LRP1B: variants seen among roughly 807,000 people sequenced by gnomAD.
LRP1B encodes the protein LDL receptor related protein 1B, also known as low-density lipoprotein receptor-related protein 1B.
LRP1B carries 217 observed loss-of-function variants against 556.6 expected under a neutral mutation model. The observed-to-expected ratio is 0.39, with a 90% CI of 0.35 to 0.44. The LOEUF (loss-of-function observed/expected upper bound fraction) is 0.44. Among genes scored for constraint, LRP1B ranks in the 20% least tolerant of loss-of-function variants. The pLI is 1.00. For missense variants in LRP1B, 5,053 were observed against 5,620.8 expected (o/e 0.90, Z 3.23); for synonymous variants, 2,047 against 1,865.8 (o/e 1.10, Z -2.50).
At chr2:141,865,591 CAAAAAAAAAAAAAAAAGAAA>C (rs1301473464) in intron 1 of LRP1B, among the ~76,000 whole-genome samples, 10 of 43,338 alleles carry the variant, frequency 2.3e-4, no homozygotes, top group African/African-American at 6.1e-4. Flanking sequence ...GACTCCGTCT[CAAAAAAAAAAAAAAAAGAAA>C]AAAAAAAAGA....
At chr2:142,044,163 G>C (rs1406113275) in intron 1 of LRP1B, among the ~76,000 whole-genome samples, 1 of 151,656 alleles carries the variant, frequency 6.6e-6, no homozygotes, top group Admixed American at 6.6e-5. Context: ...TGACAAATGA[G>C]TAATCCTTTT....
rs1344159583 is a variant in LRP1B at position 141,280,680 on chromosome 2, G to A, written c.344-26039C>T. On this transcript the variant is annotated intron_variant, in intron 3 of 90. Transcript: ENST00000389484. The stretch of plus-strand genomic sequence containing the variant: ...TTACTCTGAAAATAACTGCTACCTA[G>A]CAAATTTTATTTTTGTACATTCCTA... Among the ~76,000 whole-genome samples the A allele has an allele frequency of 2.6e-5, 4 of 151,948 alleles. No individual in the cohort carries two copies. In the East Asian group the frequency reaches 7.7e-4, roughly 29 times the overall value.
At chr2:140,270,729 G>A (rs76924193) in intron 85 of LRP1B, among the ~76,000 whole-genome samples, 1,611 of 152,008 alleles carry the variant, frequency 0.011, 28 homozygotes, top group African/African-American at 0.036. Flanking sequence ...TAAACCACAT[G>A]ATCAAGTACT....
At chr2:140,414,119 T>C (rs1019053197) in intron 66 of LRP1B, among the ~76,000 whole-genome samples, 20 of 152,066 alleles carry the variant, frequency 1.3e-4, no homozygotes, top group Non-Finnish European at 2.9e-4. Context: ...TCTCACTATG[T>C]TGCCCAGACT....
At chr2:140,259,925 CCA>C (rs1190707611) in intron 86 of LRP1B, among the ~76,000 whole-genome samples, 2 of 151,706 alleles carry the variant, frequency 1.3e-5, no homozygotes, top group Non-Finnish European at 2.9e-5. Flanking sequence ...TGCCCTGCCC[CCA>C]CACACACAGA....
intron 2 of LRP1B, among the ~76,000 whole-genome samples, chr2:141,576,562 C>CT (rs542323947): frequency 0.013 from 1,984 of 151,016 alleles, 47 homozygotes; most frequent in African/African-American, 0.045. Context: ...ATGTATCCCT[C>CT]TTTTTTTTTA....
At chr2:141,942,621 T>C (rs1700845291) in intron 1 of LRP1B, among the ~76,000 whole-genome samples, 1 of 152,222 alleles carries the variant, frequency 6.6e-6, no homozygotes. Flanking sequence ...TCAATTCCAA[T>C]TCATTTAACA....
At chr2:141,834,610 C>G (rs1697209448) in intron 1 of LRP1B, among the ~76,000 whole-genome samples, 1 of 151,828 alleles carries the variant, frequency 6.6e-6, no homozygotes, top group Non-Finnish European at 1.5e-5. Flanking sequence ...ATATGAGATT[C>G]TGAGATTGAT....
intron 60 of LRP1B, among the ~76,000 whole-genome samples, chr2:140,464,536 C>T (rs75403104): frequency 0.047 from 7,195 of 152,226 alleles, 249 homozygotes; most frequent in Non-Finnish European, 0.055. Flanking sequence ...CTGTAGTACA[C>T]TTGTTTTGAA....
intron 2 of LRP1B, among the ~76,000 whole-genome samples, chr2:141,592,057 T>C (rs1687358826): frequency 6.6e-6 from 1 of 152,074 alleles, no homozygotes; most frequent in Non-Finnish European, 1.5e-5. Context: ...ACTTCTTTGA[T>C]GCCCCACCAC....
intron 41 of LRP1B, among the ~76,000 whole-genome samples, chr2:140,637,844 G>A (rs549178263): frequency 6.6e-6 from 1 of 152,176 alleles, no homozygotes; most frequent in South Asian, 2.1e-4. Context: ...ATCAATCAGA[G>A]ATTCAATAAA....
At chr2:141,644,152 A>AT (rs2105368963) in intron 2 of LRP1B, among the ~76,000 whole-genome samples, 1 of 151,692 alleles carries the variant, frequency 6.6e-6, no homozygotes, top group South Asian at 2.1e-4. Context: ...TTTCCTCTCT[A>AT]TTAGTGATGT....
chr2:140,904,582 T>G (rs1202820550), intron 22 of LRP1B, among the ~76,000 whole-genome samples: 1 of 152,132 alleles, frequency 6.6e-6, no homozygotes, highest in African/African-American at 2.4e-5. Context: ...TTCATATAAT[T>G]TGTCACCATC....
chr2:140,321,416 A>G (rs1680118752), intron 82 of LRP1B, among the ~76,000 whole-genome samples: 1 of 146,176 alleles, frequency 6.8e-6, no homozygotes, highest in Non-Finnish European at 1.5e-5. Flanking sequence ...ATCAGCCCTC[A>G]TAATTATTAT....
intron 6 of LRP1B, among the ~76,000 whole-genome samples, chr2:141,199,516 T>C (rs1409892198): frequency 5.3e-5 from 8 of 152,136 alleles, no homozygotes; most frequent in Non-Finnish European, 1.5e-5. Flanking sequence ...ACAAGGCTCC[T>C]AAACTCCCTG....
chr2:140,387,710 A>T lies in LRP1B; in HGVS notation c.10415-1701T>A, dbSNP rs546776338. Among the ~76,000 whole-genome samples the T allele has an allele frequency of 1.4e-3, 209 of 152,034 alleles. 3 individuals carry two copies. Among genetic ancestry groups the T allele is most frequent in the South Asian group, 6.4e-3 (31 of 4,822 alleles). ...CTTTGTCTGTGTTATATTTAACTTT[A>T]GGTTTAAAATTTGGCCTAAATTTTG... On this transcript the variant is annotated intron_variant, in intron 66 of 90. Coordinates refer to ENST00000389484, the MANE Select transcript of LRP1B (RefSeq NM_018557.3).
intron 7 of LRP1B, among the ~76,000 whole-genome samples, chr2:141,165,233 A>G (rs1251885158): frequency 6.6e-6 from 1 of 151,994 alleles, no homozygotes; most frequent in African/African-American, 2.4e-5. Context: ...ATCAGCCAAG[A>G]ATTAACCAAA....
chr2:141,819,784 G>A (rs575937937), intron 1 of LRP1B, among the ~76,000 whole-genome samples: 2 of 152,246 alleles, frequency 1.3e-5, no homozygotes, highest in African/African-American at 2.4e-5. Flanking sequence ...TGTTTGAAAT[G>A]ATGGATATGC....
chr2:141,795,857 AATATATATATATATATATATATATAT>A (rs1198211801), intron 2 of LRP1B, among the ~76,000 whole-genome samples: 4 of 51,632 alleles, frequency 7.7e-5, no homozygotes, highest in Admixed American at 2.3e-4. Flanking sequence ...AACCAGGAGC[AATATATATATATATATATATATATAT>A]ATATATATAT....
Sources: allele counts gnomAD v4.1 joint callset (sites outside exome capture counted in the v4.1 genomes callset), GRCh38; gene constraint gnomAD v4.1.1; transcripts MANE v1.5; gene names NCBI Gene and HGNC (gene_info 2026-07-23, HGNC 2026-07-21).